Variants in DIS3 observed in about 807,000 individuals in gnomAD.
DIS3 encodes DIS3 exosome endoribonuclease and 3'-5' exoribonuclease, also known as exosome complex exonuclease RRP44.
Under a neutral mutation model 113.0 loss-of-function variants are expected in DIS3, and 103 were observed. The observed-to-expected ratio is 0.91, with a 90% CI of 0.78 to 1.07. The LOEUF (loss-of-function observed/expected upper bound fraction) is 1.07, where lower values mean the gene tolerates loss of function less well. Among genes scored for constraint, DIS3 ranks in the 50% least tolerant of loss-of-function variants. The pLI is 0.00. For missense variants in DIS3, 1,121 were observed against 1,167.1 expected (o/e 0.96, Z 0.58); for synonymous variants, 402 against 394.3 (o/e 1.02, Z -0.23).
Position 72,781,606 on chromosome 13 carries a change from T to G in DIS3, c.227A>C (p.Gln76Pro). 4.6e-6 allele frequency: 7 copies of G among 1,511,270 alleles called. No individual in the cohort carries two copies. Among genetic ancestry groups the G allele is most frequent in the Non-Finnish European group, 6.2e-6 (7 of 1,125,402 alleles). The allele number at this position is 1,511,270 out of a possible 1,614,324, so 93.6% of individuals were successfully genotyped here. Reference sequence around the variant, plus strand: ...TCCGCGGTTCGCCCGCCCACGCACCTGGTGCAGTAACACATTAGTGTCGGG... The same window carrying G: ...TCCGCGGTTCGCCCGCCCACGCACCGGGTGCAGTAACACATTAGTGTCGGG... ...LLPDTNVLLH[Q>P]IDVLEDPAIR... Residue 76 changes from glutamine to proline, a missense_variant and splice_region_variant, in exon 1 of 21, where the codon CAG becomes CCG. Physicochemically the swap from Gln to Pro is moderately conservative, Grantham distance 76. Around this residue, in one of 3 missense-constraint regions of DIS3, gnomAD observed 254 missense variants for 232.2 expected, o/e 1.09. Coordinates refer to ENST00000377767, the MANE Select transcript of DIS3 (RefSeq NM_014953.5).
At chr13:72,778,077 T>C (rs1022705571) in intron 3 of DIS3, 110 bp downstream of exon 3, 8 of 962,594 alleles carry the variant, frequency 8.3e-6, no homozygotes, top group African/African-American at 4.9e-5. Flanking sequence ...TGAAGTTATA[T>C]AGGACTACGA....
In DIS3 at chr13:72,761,731, T is replaced by C. The variant is rs763412446; in HGVS notation, c.2426A>G (p.Lys809Arg). ...CTYPELTDKH[K>R]LADICKNLNF... Reference sequence around the variant, plus strand: ...TAGATTTTTACATATATCTGCAAGCTTGTGTTTGTCTGTCAACTCTGGATA... The same window carrying C: ...TAGATTTTTACATATATCTGCAAGCCTGTGTTTGTCTGTCAACTCTGGATA... Residue 809 changes from lysine (K) to arginine (R), a missense_variant, in exon 18 of 21, where the codon AAG becomes AGG. This residue lies in a region of DIS3 where 861 missense variants were observed against 915.5 expected (regional missense o/e 0.94). Coordinates refer to ENST00000377767, the MANE Select transcript of DIS3 (RefSeq NM_014953.5). The C allele has an allele frequency of 6.2e-7, 1 of 1,613,954 alleles. No homozygotes were observed. Among genetic ancestry groups the C allele is most frequent in the Non-Finnish European group, 8.5e-7 (1 of 1,179,976 alleles).
chr13:72,774,656 A>C (rs944438200), intron 6 of DIS3, among the ~76,000 whole-genome samples: 3 of 152,154 alleles, frequency 2.0e-5, no homozygotes, highest in Admixed American at 6.5e-5. Context: ...AAGAATAAAA[A>C]ACTGTTACAT....
intron 5 of DIS3, 102 bp downstream of exon 5, chr13:72,775,823 G>A (rs2034001314): frequency 2.0e-6 from 2 of 1,008,338 alleles, no homozygotes; most frequent in Admixed American, 3.5e-5. Flanking sequence ...TAAAGTATGT[G>A]AAGCCTCATA....
At position 72,781,773 on chromosome 13, in the gene DIS3, C is replaced by T. The variant is rs776728217; in HGVS notation, c.60G>A (p.Val20=). 1 of 1,605,370 alleles carries T rather than the reference C, an allele frequency of 6.2e-7. No individual in the cohort carries two copies. The highest frequency in any genetic ancestry group is 8.5e-7 in the Non-Finnish European group (1 of 1,176,160). The change falls in exon 1 of 21, where the codon GTG becomes GTA. Residue 20 remains valine (V), a synonymous_variant. Coordinates refer to ENST00000377767, the MANE Select transcript of DIS3 (RefSeq NM_014953.5). ...KTRAGGVMKI[V]REHYLRDDIG... ...TGTCGTCTCGCAGGTAGTGCTCGCG[C>T]ACGATCTTCATCACGCCGCCCGCCC...
intron 20 of DIS3, 21 bp from the exon 21 acceptor site, chr13:72,759,899 G>A (rs1344516446): frequency 8.2e-6 from 13 of 1,575,856 alleles, no homozygotes; most frequent in Non-Finnish European, 1.1e-5. Flanking sequence ...GCAAATGGGG[G>A]GAAATAAGGT....
rs559116508 is a variant in DIS3, at chr13:72,755,044, G to A, written c.*4751C>T. On this transcript the variant is annotated 3_prime_UTR_variant, in exon 21 of 21. Transcript: ENST00000377767. ...ACTGTATCTTTACTGTCCCTTCAGA[G>A]TTCAGCTAAAGAAACGTGCTTTTAG... is the stretch of plus-strand genomic sequence containing the variant. 248 of 843,128 alleles carry A rather than the reference G, an allele frequency of 2.9e-4. 2 individuals are homozygous for A. The South Asian group carries it at 3.5e-3, about 12-fold the overall frequency. The allele number at this position is 843,128 out of a possible 1,614,324, so 52.2% of individuals were successfully genotyped here.
In DIS3 at chr13:72,755,513, A is replaced by G. The variant is rs1354893115; in HGVS notation, c.*4282T>C. ...TGAGTGCTCCTATCTTACAGGGTCA[A>G]TGAACTACTTATTAAGCCTTACTGG... On this transcript the variant is annotated 3_prime_UTR_variant, in exon 21 of 21. Transcript: ENST00000377767. 2 of 395,560 alleles carry G rather than the reference A, an allele frequency of 5.1e-6. No homozygotes were observed. The allele number at this position is 395,560 out of a possible 1,614,324, so 24.5% of individuals were successfully genotyped here.
Position 72,781,018 on chromosome 13 carries a change from A to C in DIS3, c.229-15T>G. ...AGAACATCAATCTTAAAGAAAGATA[A>C]AGTTAATTTTTCCTATATTCATTTG... On this transcript the variant is annotated splice_polypyrimidine_tract_variant and intron_variant, in intron 1 of 20. Coordinates refer to ENST00000377767, the MANE Select transcript of DIS3 (RefSeq NM_014953.5). The C allele has an allele frequency of 6.3e-7, 1 of 1,587,092 alleles. No individual in the cohort carries two copies. Among genetic ancestry groups the C allele is most frequent in the East Asian group, 2.2e-5 (1 of 44,652 alleles).
intron 6 of DIS3, among the ~76,000 whole-genome samples, chr13:72,774,515 G>A (rs1278384764): frequency 2.6e-5 from 4 of 152,032 alleles, no homozygotes; most frequent in African/African-American, 7.2e-5. Flanking sequence ...CCCAAATAAA[G>A]AGGGTCTGCT....
Position 72,780,835 on chromosome 13 carries a change from A to G in DIS3, c.386+11T>C. On this transcript the variant is annotated intron_variant, in intron 2 of 20. Coordinates refer to ENST00000377767, the MANE Select transcript of DIS3 (RefSeq NM_014953.5). Reference sequence around the variant, plus strand: ...GTGGTTTTCTGATATTTAACGTAATATTCCTCCTACCTATGGTGCTCATTA... The same window carrying G: ...GTGGTTTTCTGATATTTAACGTAATGTTCCTCCTACCTATGGTGCTCATTA... 1.3e-6 allele frequency: 2 copies of G among 1,580,660 alleles called. No homozygotes were observed. The highest frequency in any genetic ancestry group is 1.4e-5 in the African/African-American group (1 of 72,842).
Position 72,755,454 on chromosome 13 carries a change from G to A in DIS3, c.*4341C>T, listed in dbSNP as rs992194309. 15 of 487,334 alleles carry A rather than the reference G, an allele frequency of 3.1e-5. No homozygotes were observed. The highest frequency in any genetic ancestry group is 2.3e-4 in the African/African-American group (12 of 51,298). The allele number at this position is 487,334 out of a possible 1,614,324, so 30.2% of individuals were successfully genotyped here. A position where few individuals can be genotyped will look rare whatever the true frequency, so the allele number is the denominator to read the frequency against. On this transcript the variant is annotated 3_prime_UTR_variant, in exon 21 of 21. Transcript: ENST00000377767. ...CAATAAATATTTTTATACTTACATT[G>A]AGTGATGTGTTTAACAACAAATTGT...
At chr13:72,780,318 T>TC (rs1566253732) in intron 2 of DIS3, among the ~76,000 whole-genome samples, 1 of 87,524 alleles carries the variant, frequency 1.1e-5, no homozygotes, top group African/African-American at 4.7e-5. Context: ...AGAGTGAGAC[T>TC]CCATCTCAAA....
rs781657900 is a variant in DIS3, at chr13:72,759,838, T to A, written c.2834A>T (p.Asp945Val). Residue 945 changes from aspartate (D) to valine (V), a missense_variant, in exon 21 of 21, where the codon GAC (aspartate) becomes GTC (valine). Physicochemically the swap from Asp to Val is radical, Grantham distance 152. Coordinates refer to ENST00000377767, the MANE Select transcript of DIS3 (RefSeq NM_014953.5). Reference protein sequence around the residue: ...ISIPTDTSNMDLNGPKKKKMK... With the variant: ...ISIPTDTSNMVLNGPKKKKMK... ...CTTCTTTTTCTTTGGTCCATTAAGG[T>A]CCATGTTTGAAGTATCAGTAGGAAT... is the stretch of plus-strand genomic sequence containing the variant. The A allele has an allele frequency of 6.2e-7, 1 of 1,613,474 alleles. No individual in the cohort carries two copies. The highest frequency in any genetic ancestry group is 2.2e-5 in the East Asian group (1 of 44,844).
At position 72,761,687 on chromosome 13, in the gene DIS3, C is replaced by A; in HGVS notation, c.2470G>T (p.Ala824Ser). ...CKNLNFRHKM[A>S]QYAQRASVAF... Reference sequence around the variant, plus strand: ...ACTGATGCACGTTGGGCATATTGAGCCATTTTGTGCCGGAAATTTAGATTT... The same window carrying A: ...ACTGATGCACGTTGGGCATATTGAGACATTTTGTGCCGGAAATTTAGATTT... Residue 824 changes from alanine to serine, a missense_variant, in exon 18 of 21, where the codon GCT becomes TCT. Transcript: ENST00000377767. The A allele has an allele frequency of 6.2e-7, 1 of 1,612,910 alleles. No homozygotes were observed. The highest frequency in any genetic ancestry group is 1.1e-5 in the South Asian group (1 of 90,640).
Position 72,775,909 on chromosome 13 carries a change from T to G in DIS3, c.822+16A>C, listed in dbSNP as rs748590692. ...ATCTTTATTTTAGTGTATAAGGAATTTATTTATATACTTGCCTCTTTATTT... is the reference window on the plus strand; with the variant it reads ...ATCTTTATTTTAGTGTATAAGGAATGTATTTATATACTTGCCTCTTTATTT... On this transcript the variant is annotated intron_variant, in intron 5 of 20. Transcript: ENST00000377767. The G allele has an allele frequency of 1.3e-6, 2 of 1,581,762 alleles. No individual in the cohort carries two copies. The highest frequency in any genetic ancestry group is 1.7e-6 in the Non-Finnish European group (2 of 1,166,246).
At chr13:72,767,844 C>T (rs2033790334) in intron 14 of DIS3, among the ~76,000 whole-genome samples, 1 of 152,176 alleles carries the variant, frequency 6.6e-6, no homozygotes, top group Admixed American at 6.5e-5. Flanking sequence ...CCTAGAGGGG[C>T]TTGGGAACTC....
Position 72,762,098 on chromosome 13 carries a change from C to T in DIS3, c.2167G>A (p.Glu723Lys), listed in dbSNP as rs1348523655. ...IKTDTAKSLA[E>K]SLDQAESPTF... ...GGAGATTCGGCCTGATCCAAAGACT[C>T]AGCCAAAGACTTGGCTGTATCAGTC... Residue 723 changes from glutamate (E) to lysine (K), a missense_variant, in exon 17 of 21, where the codon GAG (glutamate) becomes AAG (lysine). Physicochemically the swap from Glu to Lys is moderately conservative, Grantham distance 56. Transcript: ENST00000377767. 1.9e-6 allele frequency: 3 copies of T among 1,613,894 alleles called. No individual in the cohort carries two copies. The African/African-American group carries it at 4.0e-5, about 22-fold the overall frequency.
chr13:72,767,195 C>A (rs1669727305), intron 14 of DIS3, among the ~76,000 whole-genome samples: 1 of 151,878 alleles, frequency 6.6e-6, no homozygotes, highest in African/African-American at 2.4e-5. Context: ...CTCCCTAAGA[C>A]TAAAATGATT....
Sources: allele counts gnomAD v4.1 joint callset (sites outside exome capture counted in the v4.1 genomes callset), GRCh38; gene constraint gnomAD v4.1.1; regional missense constraint gnomAD v4.1.1; transcripts MANE v1.5; gene names NCBI Gene and HGNC (gene_info 2026-07-23, HGNC 2026-07-21).